CACNG2: variants seen among roughly 807,000 people sequenced by gnomAD.
CACNG2 encodes voltage-dependent calcium channel gamma-2 subunit.
CACNG2 carries 3 observed loss-of-function variants against 25.9 expected under a neutral mutation model. The ratio of observed to expected loss-of-function variants is 0.12; its 90% confidence interval spans 0.05 to 0.30. The LOEUF (loss-of-function observed/expected upper bound fraction) is 0.30, where lower values mean the gene tolerates loss of function less well. CACNG2 is among the 10% of genes least tolerant of loss of function. CACNG2 has a pLI of 1.00. For synonymous variants in CACNG2, 167 were observed against 173.3 expected (o/e 0.96, Z 0.29); for missense variants, 341 against 432.5 (o/e 0.79, Z 1.88).
intron 1 of CACNG2, among the ~76,000 whole-genome samples, chr22:36,621,295 G>A (rs1019278898): frequency 3.3e-5 from 5 of 152,160 alleles, no homozygotes; most frequent in Non-Finnish European, 5.9e-5. Context: ...ATCACCTGAG[G>A]TCAGGAGTTC....
chr22:36,616,526 C>A (rs966100173), intron 1 of CACNG2, among the ~76,000 whole-genome samples: 16 of 152,182 alleles, frequency 1.1e-4, no homozygotes, highest in African/African-American at 3.9e-4. Context: ...TTCCTGGAAA[C>A]TAGAGAGTAT....
intron 1 of CACNG2, among the ~76,000 whole-genome samples, chr22:36,631,957 G>C (rs1936279239): frequency 6.6e-6 from 1 of 152,100 alleles, no homozygotes; most frequent in South Asian, 2.1e-4. Flanking sequence ...ATGGGAATCA[G>C]AATCATTTTC....
chr22:36,570,482 G>A (rs948129358), intron 2 of CACNG2, among the ~76,000 whole-genome samples: 1 of 152,172 alleles, frequency 6.6e-6, no homozygotes, highest in Non-Finnish European at 1.5e-5. Flanking sequence ...GCAACAGGCC[G>A]GGCGCGGTGG....
intron 1 of CACNG2, among the ~76,000 whole-genome samples, chr22:36,676,120 C>T (rs748429355): frequency 2.0e-5 from 3 of 152,202 alleles, no homozygotes; most frequent in Non-Finnish European, 2.9e-5. Flanking sequence ...CTCCCCACAG[C>T]GCTATCTCTT....
At chr22:36,600,357 C>T (rs1420089932) in intron 1 of CACNG2, among the ~76,000 whole-genome samples, 1 of 151,848 alleles carries the variant, frequency 6.6e-6, no homozygotes, top group African/African-American at 2.4e-5. Flanking sequence ...TTAAATGATC[C>T]TCCTGCCTCA....
intron 1 of CACNG2, among the ~76,000 whole-genome samples, chr22:36,617,068 G>A (rs1277500883): frequency 6.6e-6 from 1 of 152,110 alleles, no homozygotes; most frequent in Non-Finnish European, 1.5e-5. Flanking sequence ...CCTAGTTTGG[G>A]TTTTCAATGA....
intron 1 of CACNG2, among the ~76,000 whole-genome samples, chr22:36,653,116 G>T (rs1177623684): frequency 6.6e-6 from 1 of 152,208 alleles, no homozygotes; most frequent in Non-Finnish European, 1.5e-5. Flanking sequence ...GATGTTAGGA[G>T]TTTGAGACCA....
At chr22:36,696,073 C>T (rs1039415473) in intron 1 of CACNG2, among the ~76,000 whole-genome samples, 1 of 152,286 alleles carries the variant, frequency 6.6e-6, no homozygotes, top group East Asian at 1.9e-4. Flanking sequence ...CATTATCAGT[C>T]TGGATTTATA....
intron 1 of CACNG2, among the ~76,000 whole-genome samples, chr22:36,618,405 G>A (rs1936055172): frequency 6.6e-6 from 1 of 152,208 alleles, no homozygotes; most frequent in African/African-American, 2.4e-5. Context: ...TCCCTTCCTG[G>A]GGAGACAGGT....
intron 1 of CACNG2, among the ~76,000 whole-genome samples, chr22:36,701,805 A>G (rs1210761342): frequency 1.3e-5 from 2 of 152,182 alleles, no homozygotes; most frequent in Admixed American, 6.5e-5. Flanking sequence ...AATGCTCTTG[A>G]ACTCAGCTTG....
chr22:36,601,805 G>A (rs1935757911), intron 1 of CACNG2, among the ~76,000 whole-genome samples: 1 of 152,182 alleles, frequency 6.6e-6, no homozygotes, highest in Non-Finnish European at 1.5e-5. Context: ...ATTACAAGGT[G>A]GTGATTTCAT....
chr22:36,574,213 G>T (rs1935277759), intron 2 of CACNG2, among the ~76,000 whole-genome samples: 5 of 152,228 alleles, frequency 3.3e-5, no homozygotes, highest in Admixed American at 3.3e-4. Context: ...GATTACGAAG[G>T]GGTCAAGGGT....
intron 1 of CACNG2, among the ~76,000 whole-genome samples, chr22:36,700,816 G>A (rs1206089872): frequency 1.3e-5 from 2 of 152,158 alleles, no homozygotes; most frequent in African/African-American, 4.8e-5. Context: ...AAAGACAGCG[G>A]TTTGGATTGA....
chr22:36,580,883 A>G (rs1039842706), intron 2 of CACNG2, among the ~76,000 whole-genome samples: 1 of 152,158 alleles, frequency 6.6e-6, no homozygotes, highest in Non-Finnish European at 1.5e-5. Flanking sequence ...GGACCCACAT[A>G]CACACAGACA....
rs1327886459 is a variant in CACNG2, at chr22:36,563,160, T to A, written c.*1191A>T. On this transcript the variant is annotated 3_prime_UTR_variant, in exon 4 of 4. Transcript: ENST00000300105. The stretch of plus-strand genomic sequence containing the variant: ...TCACCACTTGTTTTTCCTTTTTCTT[T>A]TGTAAAAAGAAGCCTTTTTGCAGTG... Among the ~76,000 whole-genome samples, 2 of 152,232 alleles carry A rather than the reference T, an allele frequency of 1.3e-5. No individual in the cohort carries two copies.
At chr22:36,633,583 G>A (rs1215464578) in intron 1 of CACNG2, among the ~76,000 whole-genome samples, 1 of 152,234 alleles carries the variant, frequency 6.6e-6, no homozygotes, top group Admixed American at 6.5e-5. Flanking sequence ...CATTCTGAGC[G>A]ATATGGTTAG....
At chr22:36,668,331 A>G (rs9610560) in intron 1 of CACNG2, among the ~76,000 whole-genome samples, 36,884 of 152,152 alleles carry the variant, frequency 0.24, 4,656 homozygotes, top group Middle Eastern at 0.32. Flanking sequence ...GAGCCAATAG[A>G]ATATATATAG....
chr22:36,633,757 ATG>A, intron 1 of CACNG2, among the ~76,000 whole-genome samples: 1 of 152,344 alleles, frequency 6.6e-6, no homozygotes, highest in South Asian at 2.1e-4. Context: ...GAACAGGAAT[ATG>A]TACCTCCGTA....
rs561518849 is a variant in CACNG2, at chr22:36,643,474, G to GTCTGTCTA, written c.212-55927_212-55926insTAGACAGA. ...TCTAATGATCTACATCTATCTGTCTGTCTATCTATCTATCTATCTATCTAT... is the reference window on the plus strand; with the variant it reads ...TCTAATGATCTACATCTATCTGTCTGTCTGTCTATCTATCTATCTATCTATCTATCTAT... On this transcript the variant is annotated intron_variant, in intron 1 of 3. Coordinates refer to ENST00000300105, the MANE Select transcript of CACNG2 (RefSeq NM_006078.5). 7.7e-3 allele frequency among the ~76,000 whole-genome samples: 1,155 copies of GTCTGTCTA among 149,220 alleles called. 21 individuals carry two copies. Among genetic ancestry groups the GTCTGTCTA allele is most frequent in the African/African-American group, 0.027 (1,076 of 39,864 alleles).
Sources: allele counts gnomAD v4.1 joint callset (sites outside exome capture counted in the v4.1 genomes callset), GRCh38; gene constraint gnomAD v4.1.1; transcripts MANE v1.5; gene names NCBI Gene and HGNC (gene_info 2026-07-23, HGNC 2026-07-21).